PRKCH: variants seen among roughly 807,000 people sequenced by gnomAD.
PRKCH encodes protein kinase C eta.
PRKCH carries 28 observed loss-of-function variants against 82.5 expected under a neutral mutation model. The observed-to-expected ratio is 0.34, with a 90% CI of 0.25 to 0.47. The LOEUF is 0.47. PRKCH is among the 20% of genes least tolerant of loss of function. PRKCH has a pLI of 1.00. For missense variants in PRKCH, 705 were observed against 881.8 expected, an observed-to-expected ratio of 0.80 and a Z score of 2.54; for synonymous variants, 322 against 327.4, an observed-to-expected ratio of 0.98 and a Z score of 0.18.
At chr14:61,365,868 G>A (rs2046290924) in intron 1 of PRKCH, among the ~76,000 whole-genome samples, 2 of 152,184 alleles carry the variant, frequency 1.3e-5, no homozygotes, top group South Asian at 4.1e-4. Flanking sequence ...ATGGGGAGAT[G>A]CATTGTTTAG....
At chr14:61,461,297 G>C (rs899550288) in intron 9 of PRKCH, among the ~76,000 whole-genome samples, 1 of 152,166 alleles carries the variant, frequency 6.6e-6, no homozygotes, top group Non-Finnish European at 1.5e-5. Context: ...CCCCTCCCCT[G>C]CCCTCACCCC....
At chr14:61,257,973 G>A (rs953014309) in intron 1 of PRKCH, among the ~76,000 whole-genome samples, 1 of 109,112 alleles carries the variant, frequency 9.2e-6, no homozygotes, top group African/African-American at 2.5e-5. Context: ...TCGTTTTATG[G>A]ATTTTTTTTT....
chr14:61,449,946 T>C (rs1884421989), intron 5 of PRKCH, among the ~76,000 whole-genome samples: 1 of 151,034 alleles, frequency 6.6e-6, no homozygotes, highest in East Asian at 2.0e-4. Flanking sequence ...TTCAACATCA[T>C]TCTTGCCACT....
At chr14:61,429,960 C>T (rs1431841305) in intron 2 of PRKCH, among the ~76,000 whole-genome samples, 1 of 152,120 alleles carries the variant, frequency 6.6e-6, no homozygotes, top group Non-Finnish European at 1.5e-5. Flanking sequence ...AACATGATCC[C>T]TAACCTTTCT....
chr14:61,448,737 T>G (rs1205294434), intron 4 of PRKCH, among the ~76,000 whole-genome samples: 2 of 152,092 alleles, frequency 1.3e-5, no homozygotes, highest in Non-Finnish European at 2.9e-5. Flanking sequence ...ACCCATGTAG[T>G]TTTTACTGGA....
chr14:61,339,081 C>T (rs1180637536), intron 1 of PRKCH, among the ~76,000 whole-genome samples: 1 of 152,014 alleles, frequency 6.6e-6, no homozygotes, highest in East Asian at 1.9e-4. Flanking sequence ...CCACCACTTT[C>T]CCTTTTAAGC....
At chr14:61,431,598 T>C (rs1001287926) in intron 2 of PRKCH, among the ~76,000 whole-genome samples, 1 of 152,148 alleles carries the variant, frequency 6.6e-6, no homozygotes, top group South Asian at 2.1e-4. Flanking sequence ...TTTTTTTTCT[T>C]TTTAGAGTGT....
At chr14:61,323,917 G>A (rs954753991) in intron 1 of PRKCH, among the ~76,000 whole-genome samples, 2 of 152,220 alleles carry the variant, frequency 1.3e-5, no homozygotes, top group Non-Finnish European at 2.9e-5. Context: ...AGCTCTAGAG[G>A]AACTAGGTTC....
At chr14:61,252,346 A>G (rs932715389) in intron 1 of PRKCH, among the ~76,000 whole-genome samples, 3 of 152,184 alleles carry the variant, frequency 2.0e-5, no homozygotes, top group Non-Finnish European at 4.4e-5. Flanking sequence ...TCTCCAGCAC[A>G]CCTTTCCCAT....
intron 1 of PRKCH, among the ~76,000 whole-genome samples, chr14:61,255,017 C>T (rs1252986884): frequency 6.6e-6 from 1 of 152,226 alleles, no homozygotes; most frequent in African/African-American, 2.4e-5. Flanking sequence ...TGCCCTGTTC[C>T]ATCCTCACTG....
At chr14:61,482,483 G>A (rs185760194) in intron 9 of PRKCH, among the ~76,000 whole-genome samples, 21 of 152,334 alleles carry the variant, frequency 1.4e-4, no homozygotes, top group African/African-American at 4.3e-4. Context: ...TGATAAACAT[G>A]TCTTTGTTTT....
chr14:61,482,946 G>A (rs1886048857), intron 9 of PRKCH, among the ~76,000 whole-genome samples: 1 of 152,222 alleles, frequency 6.6e-6, no homozygotes, highest in East Asian at 1.9e-4. Context: ...ACTTATAGCA[G>A]CCTAAGGAAT....
chr14:61,458,503 C>T (rs949938068), intron 9 of PRKCH, among the ~76,000 whole-genome samples: 5 of 152,104 alleles, frequency 3.3e-5, no homozygotes, highest in African/African-American at 1.2e-4. Flanking sequence ...AGGGCAGGGG[C>T]TGAAGGGCTT....
intron 9 of PRKCH, chr14:61,476,270 A>C (rs1444096074): frequency 6.6e-6 from 1 of 152,214 alleles, no homozygotes; most frequent in African/African-American, 2.4e-5. Flanking sequence ...ACAATTGGCC[A>C]GGCACTGTGC....
chr14:61,445,761 G>A (rs750417926), intron 4 of PRKCH, 35 bp downstream of exon 4: 2 of 1,570,708 alleles, frequency 1.3e-6, no homozygotes, highest in Non-Finnish European at 1.8e-6. Flanking sequence ...GTTTCATTTT[G>A]TTCCTATGTT....
intron 1 of PRKCH, among the ~76,000 whole-genome samples, chr14:61,345,914 C>T (rs1052682398): frequency 2.0e-5 from 3 of 151,746 alleles, no homozygotes; most frequent in African/African-American, 7.3e-5. Flanking sequence ...AGTTTGAGCA[C>T]CTGCATGGAA....
At chr14:61,499,636 A>G (rs567271646) in intron 10 of PRKCH, among the ~76,000 whole-genome samples, 10 of 152,126 alleles carry the variant, frequency 6.6e-5, no homozygotes, top group Non-Finnish European at 1.5e-4. Flanking sequence ...TTCCGCTGAC[A>G]AAATTCTAGA....
rs1262149114 is a variant in PRKCH at position 61,300,037 on chromosome 14, T to C, written c.-19+112369T>C. 2.6e-5 allele frequency among the ~76,000 whole-genome samples: 4 copies of C among 152,222 alleles called. 1 individual carries two copies. The highest frequency in any genetic ancestry group is 5.9e-5 in the Non-Finnish European group (4 of 68,038). On this transcript the variant is annotated intron_variant, in intron 1 of 3. Transcript: ENST00000555185. ...CTTTCCCCATATGTAAGTTTTTCTT[T>C]CTCTTATAATCCAAAGCCTGTGAGT...
At chr14:61,451,297 A>C (rs776257106) in intron 6 of PRKCH, among the ~76,000 whole-genome samples, 16 of 152,334 alleles carry the variant, frequency 1.1e-4, no homozygotes, top group Non-Finnish European at 1.8e-4. Flanking sequence ...GAAATGGAAG[A>C]TGGTTGAGTC....
Sources: gnomAD v4.1 joint callset for allele counts (sites outside exome capture counted in the v4.1 genomes callset) on GRCh38, gnomAD v4.1.1 for gene constraint, MANE v1.5 for transcripts, NCBI Gene and HGNC (gene_info 2026-07-23, HGNC 2026-07-21) for gene names.